SLC38A12: variants seen among roughly 807,000 people sequenced by gnomAD.
SLC38A12 encodes the protein putative sodium-coupled neutral amino acid transporter 12.
chr17:74,823,301 G>A, the SLC38A12 span, among the ~76,000 whole-genome samples: 4 of 152,204 alleles, frequency 2.6e-5, no homozygotes, highest in Admixed American at 6.5e-5. Flanking sequence ...TGCTGAGCCG[G>A]AAACTTTCTT....
the SLC38A12 span, among the ~76,000 whole-genome samples, chr17:74,826,624 G>A: frequency 6.6e-6 from 1 of 152,118 alleles, no homozygotes; most frequent in African/African-American, 2.4e-5. Flanking sequence ...GATGCTTTTG[G>A]TGCCTGGCAC....
At chr17:74,820,854 A>G in the SLC38A12 span, among the ~76,000 whole-genome samples, 1 of 152,208 alleles carries the variant, frequency 6.6e-6, no homozygotes, top group Non-Finnish European at 1.5e-5. Flanking sequence ...GCAGCGGGTC[A>G]TGGTCGCCGA....
chr17:74,820,742 C>G, the SLC38A12 span, among the ~76,000 whole-genome samples: 1 of 152,222 alleles, frequency 6.6e-6, no homozygotes. Flanking sequence ...GCTCCTCCTT[C>G]CTGACCACCT....
chr17:74,825,890 T>G, the SLC38A12 span, among the ~76,000 whole-genome samples: 1 of 152,174 alleles, frequency 6.6e-6, no homozygotes, highest in African/African-American at 2.4e-5. Context: ...ACAGCAACCC[T>G]GGAGCTCCAG....
At chr17:74,831,423 C>A in the SLC38A12 span, among the ~76,000 whole-genome samples, 2 of 152,190 alleles carry the variant, frequency 1.3e-5, no homozygotes, top group Non-Finnish European at 2.9e-5. Flanking sequence ...TGACACAAGA[C>A]AAATGCGGTG....
chr17:74,798,426 G>A, the SLC38A12 span, among the ~76,000 whole-genome samples: 1 of 152,190 alleles, frequency 6.6e-6, no homozygotes, highest in African/African-American at 2.4e-5. Context: ...GCTCCCAGTG[G>A]CCTCCCAAAG....
the SLC38A12 span, among the ~76,000 whole-genome samples, chr17:74,827,477 G>T: frequency 6.6e-6 from 1 of 152,020 alleles, no homozygotes; most frequent in Non-Finnish European, 1.5e-5. The surrounding 1 kb of genome is among the most constrained non-coding windows in gnomAD (Gnocchi z 4.7). Flanking sequence ...TGTATTTTTA[G>T]TAGAGATGGG....
the SLC38A12 span, among the ~76,000 whole-genome samples, chr17:74,834,673 G>C: frequency 6.6e-6 from 1 of 152,200 alleles, no homozygotes; most frequent in Non-Finnish European, 1.5e-5. Flanking sequence ...AGGAGCCACC[G>C]AGCTGTGAGC....
the SLC38A12 span, chr17:74,836,989 C>T: frequency 9.3e-6 from 11 of 1,188,350 alleles, no homozygotes; most frequent in Non-Finnish European, 9.4e-6. The surrounding 1 kb of genome is among the most constrained non-coding windows in gnomAD (Gnocchi z 4.2). Context: ...CAACACGCTT[C>T]ACCCCCAACC....
chr17:74,802,534 G>GC, the SLC38A12 span, among the ~76,000 whole-genome samples: 1 of 152,220 alleles, frequency 6.6e-6, no homozygotes. Flanking sequence ...CAGCATGACA[G>GC]TTGGGTGTCT....
chr17:74,795,030 A>G, the SLC38A12 span: 16 of 1,613,502 alleles, frequency 9.9e-6, no homozygotes, highest in African/African-American at 1.2e-4. Context: ...AACTTGTTCT[A>G]TTTCTGCATC....
chr17:74,785,441 G>A, the SLC38A12 span: 1,150 of 1,596,626 alleles, frequency 7.2e-4, 3 homozygotes, highest in South Asian at 6.9e-4. Context: ...GGGAGAAGTT[G>A]ATTAAGTTCC....
the SLC38A12 span, among the ~76,000 whole-genome samples, chr17:74,822,253 G>A: frequency 3.9e-4 from 59 of 152,292 alleles, no homozygotes; most frequent in African/African-American, 1.3e-3. Flanking sequence ...GGGACAGCCC[G>A]GGCCCCTTGC....
At chr17:74,836,501 C>T in the SLC38A12 span, 31 of 1,611,784 alleles carry the variant, frequency 1.9e-5, no homozygotes, top group Admixed American at 5.0e-5. This position sits in a 1 kb window ranked among gnomAD's most constrained non-coding sequence, Gnocchi z 4.2. Context: ...GCATCCAGTA[C>T]GTCATCCCCG....
chr17:74,836,973 A>G, the SLC38A12 span: 1 of 1,221,358 alleles, frequency 8.2e-7, no homozygotes, highest in Admixed American at 4.2e-5. The surrounding 1 kb of genome is among the most constrained non-coding windows in gnomAD (Gnocchi z 4.2). Context: ...CCTCTCCCAC[A>G]TCTTCCAACA....
At chr17:74,789,019 A>G in the SLC38A12 span, 2 of 648,964 alleles carry the variant, frequency 3.1e-6, no homozygotes, top group Non-Finnish European at 5.0e-6. Flanking sequence ...GCTGAAGCTT[A>G]ATAGCCACCT....
chr17:74,839,626 G>C, the SLC38A12 span: 1 of 159,338 alleles, frequency 6.3e-6, no homozygotes, highest in East Asian at 1.8e-4. Context: ...TTGAGGCAGC[G>C]AGCCTCCGTG....
At chr17:74,832,336 C>T in the SLC38A12 span, among the ~76,000 whole-genome samples, 4 of 152,214 alleles carry the variant, frequency 2.6e-5, no homozygotes, top group African/African-American at 9.6e-5. Flanking sequence ...TCTCCACTCC[C>T]AGGGGACAGA....
At chr17:74,836,885 G>T in the SLC38A12 span, 1 of 1,378,264 alleles carries the variant, frequency 7.3e-7, no homozygotes. This position sits in a 1 kb window ranked among gnomAD's most constrained non-coding sequence, Gnocchi z 4.2. Context: ...ACTCCCCCGG[G>T]CAGCTCTCCC....
Sources: gnomAD v4.1 joint callset for allele counts (sites outside exome capture counted in the v4.1 genomes callset) on GRCh38, gnomAD v4.1.1 for gene constraint, Gnocchi (gnomAD v3.1) non-coding constraint, MANE v1.5 for transcripts, NCBI Gene and HGNC (gene_info 2026-07-23, HGNC 2026-07-21) for gene names.